GRAMD1C: variants seen among roughly 807,000 people sequenced by gnomAD.
The protein encoded by GRAMD1C is protein Aster-C.
In GRAMD1C, 89 loss-of-function variants were observed where a neutral mutation model predicts 97.8. The observed-to-expected ratio is 0.91, with a 90% CI of 0.77 to 1.09. The LOEUF is 1.09. GRAMD1C is among the 50% of genes least tolerant of loss of function. The probability of loss-of-function intolerance (pLI) is 0.00; values close to 1 mark genes in which losing one functional copy is unlikely to be tolerated. For missense variants in GRAMD1C, 740 were observed against 766.4 expected (o/e 0.97, Z 0.41); for synonymous variants, 256 against 267.0 (o/e 0.96, Z 0.40).
intron 6 of GRAMD1C, chr3:113,897,959 C>A (rs935956016): frequency 6.3e-6 from 1 of 158,980 alleles, no homozygotes; most frequent in African/African-American, 2.4e-5. Flanking sequence ...CTGTAAATAA[C>A]CACATTTTTA....
intron 5 of GRAMD1C, 36 bp from the exon 6 acceptor site, chr3:113,882,716 A>G (rs375932820): frequency 8.3e-7 from 1 of 1,208,546 alleles, no homozygotes; most frequent in Non-Finnish European, 1.2e-6. Flanking sequence ...TTTATTTTCC[A>G]TGACACTAAA....
intron 11 of GRAMD1C, among the ~76,000 whole-genome samples, chr3:113,931,819 A>G (rs1032930835): frequency 6.6e-6 from 1 of 151,984 alleles, no homozygotes; most frequent in African/African-American, 2.4e-5. Flanking sequence ...TCACCTACTC[A>G]GGAGGCTGAG....
intron 9 of GRAMD1C, 54 bp downstream of exon 9, chr3:113,909,174 A>T: frequency 1.1e-6 from 1 of 886,206 alleles, no homozygotes; most frequent in Non-Finnish European, 1.7e-6. Flanking sequence ...TTTTATGTTT[A>T]TCTTTGTAAT....
intron 10 of GRAMD1C, among the ~76,000 whole-genome samples, chr3:113,922,443 G>T (rs1937094130): frequency 6.6e-6 from 1 of 152,128 alleles, no homozygotes; most frequent in African/African-American, 2.4e-5. Flanking sequence ...ATCTTGAGCT[G>T]ATTTTTATAT....
chr3:113,911,013 A>G lies in GRAMD1C; in HGVS notation c.952+1893A>G, dbSNP rs527885433. 3.9e-5 allele frequency among the ~76,000 whole-genome samples: 6 copies of G among 152,238 alleles called. No individual in the cohort carries two copies. The South Asian group carries it at 1.2e-3, about 32-fold the overall frequency. On this transcript the variant is annotated intron_variant, in intron 9 of 17. Transcript: ENST00000358160. ...TTTCATATAATTCTGGAGGATAGAA[A>G]CCCCAGATCAAGGTTTGGCAGAGTT... is the stretch of plus-strand genomic sequence containing the variant.
intron 6 of GRAMD1C, among the ~76,000 whole-genome samples, chr3:113,884,259 G>A (rs1046173027): frequency 6.6e-6 from 1 of 152,172 alleles, no homozygotes; most frequent in African/African-American, 2.4e-5. Context: ...TACTAAATAC[G>A]TTCTCTGAGC....
At chr3:113,849,880 C>T (rs1453494278) in intron 2 of GRAMD1C, among the ~76,000 whole-genome samples, 4 of 152,042 alleles carry the variant, frequency 2.6e-5, no homozygotes, top group African/African-American at 9.6e-5. Context: ...CGGGCAGAGG[C>T]GCCCCTCACC....
chr3:113,919,661 G>C (rs1936964318), intron 10 of GRAMD1C: 2 of 651,434 alleles, frequency 3.1e-6, no homozygotes, highest in African/African-American at 3.6e-5. Context: ...AAAAGAATGT[G>C]ATCTTATTGT....
intron 10 of GRAMD1C, among the ~76,000 whole-genome samples, chr3:113,923,622 T>C (rs533065116): frequency 6.6e-6 from 1 of 152,318 alleles, no homozygotes; most frequent in East Asian, 1.9e-4. Context: ...TAAAGCCTAC[T>C]TTATTGTGGT....
chr3:113,880,476 C>T (rs1036661643), intron 5 of GRAMD1C, among the ~76,000 whole-genome samples: 3 of 151,740 alleles, frequency 2.0e-5, no homozygotes, highest in African/African-American at 7.3e-5. Context: ...TAGATAGACC[C>T]ACCTCTTTTT....
chr3:113,850,020 G>A (rs1933821107), intron 2 of GRAMD1C, among the ~76,000 whole-genome samples: 2 of 141,796 alleles, frequency 1.4e-5, no homozygotes, highest in Admixed American at 1.4e-4. Flanking sequence ...CGGGCGGGGG[G>A]CTGACCCCCC....
intron 10 of GRAMD1C, among the ~76,000 whole-genome samples, chr3:113,922,077 T>C (rs1015565350): frequency 3.3e-5 from 5 of 151,994 alleles, no homozygotes; most frequent in Non-Finnish European, 7.4e-5. Context: ...TTTCTTTCTT[T>C]TTTTTTTCTT....
intron 1 of GRAMD1C, among the ~76,000 whole-genome samples, chr3:113,843,118 A>C (rs902918861): frequency 2.4e-5 from 3 of 124,226 alleles, no homozygotes; most frequent in Non-Finnish European, 3.1e-5. Flanking sequence ...TTTGCCGGCC[A>C]GCCTGGAGTG....
intron 15 of GRAMD1C, chr3:113,938,662 G>T (rs1937631116): frequency 6.6e-6 from 1 of 152,374 alleles, no homozygotes; most frequent in Admixed American, 6.5e-5. Context: ...AGGTTATTCT[G>T]ATGCAAGTGA....
intron 3 of GRAMD1C, among the ~76,000 whole-genome samples, chr3:113,873,419 C>G (rs1327831569): frequency 3.9e-5 from 6 of 152,170 alleles, no homozygotes; most frequent in Non-Finnish European, 8.8e-5. Context: ...CACAGACTAG[C>G]AACACTGTCA....
At chr3:113,881,108 C>A (rs904163053) in intron 5 of GRAMD1C, among the ~76,000 whole-genome samples, 1 of 152,146 alleles carries the variant, frequency 6.6e-6, no homozygotes, top group African/African-American at 2.4e-5. Context: ...TTCCCAAACT[C>A]ATAAGAAGGC....
At chr3:113,919,675 C>A in intron 10 of GRAMD1C, 1 of 644,712 alleles carries the variant, frequency 1.6e-6, no homozygotes, top group Non-Finnish European at 2.8e-6. Context: ...TTATTGTTCA[C>A]CAGCTTGCCA....
chr3:113,884,262 C>T (rs1220669273), intron 6 of GRAMD1C, among the ~76,000 whole-genome samples: 2 of 152,092 alleles, frequency 1.3e-5, no homozygotes, highest in Non-Finnish European at 2.9e-5. Context: ...TAAATACGTT[C>T]TCTGAGCACA....
intron 1 of GRAMD1C, among the ~76,000 whole-genome samples, chr3:113,839,907 A>G (rs1709733801): frequency 6.6e-6 from 1 of 152,178 alleles, no homozygotes; most frequent in African/African-American, 2.4e-5. Flanking sequence ...AGAAAGCCAG[A>G]ATGGACCCCC....
Sources: allele counts gnomAD v4.1 joint callset (sites outside exome capture counted in the v4.1 genomes callset), GRCh38; gene constraint gnomAD v4.1.1; transcripts MANE v1.5; gene names NCBI Gene and HGNC (gene_info 2026-07-23, HGNC 2026-07-21).